The following ZFYVE16 variants were observed in gnomAD, a reference collection of about 807,000 sequenced individuals.
ZFYVE16 encodes zinc finger FYVE domain-containing protein 16.
In ZFYVE16, 89 loss-of-function variants were observed where a neutral mutation model predicts 138.1. The ratio of observed to expected loss-of-function variants is 0.64; its 90% CI spans 0.54 to 0.77. ZFYVE16 has a LOEUF of 0.77. ZFYVE16 is among the 30% of genes least tolerant of loss of function. The pLI is 0.00. For synonymous variants in ZFYVE16, 596 were observed against 618.3 expected, an observed-to-expected ratio of 0.96 and a Z score of 0.53; for missense variants, 1,793 against 1,786.7, an observed-to-expected ratio of 1.00 and a Z score of -0.06.
chr5:80,442,063 A>G (rs1222143596), intron 5 of ZFYVE16: 3 of 457,268 alleles, frequency 6.6e-6, no homozygotes, highest in South Asian at 9.2e-5. Flanking sequence ...AAAAATTTAA[A>G]AAGTGTAAGA....
intron 1 of ZFYVE16, among the ~76,000 whole-genome samples, chr5:80,417,651 CT>C (rs916124673): frequency 2.0e-5 from 3 of 152,122 alleles, no homozygotes; most frequent in African/African-American, 7.2e-5. Flanking sequence ...GGCTTGATAG[CT>C]TCTTTCTTTA....
intron 1 of ZFYVE16, among the ~76,000 whole-genome samples, chr5:80,421,574 T>G (rs1393674689): frequency 6.6e-6 from 1 of 152,236 alleles, no homozygotes; most frequent in African/African-American, 2.4e-5. Flanking sequence ...TTTCTTGTTT[T>G]TATCAGGTTT....
chr5:80,423,262 C>T (rs1747507350), intron 1 of ZFYVE16, among the ~76,000 whole-genome samples: 1 of 152,032 alleles, frequency 6.6e-6, no homozygotes, highest in South Asian at 2.1e-4. Context: ...CCGTTTATAT[C>T]ATTTGAGGAA....
Position 80,438,594 on chromosome 5 carries a change from T to C in ZFYVE16, c.1909T>C (p.Ser637Pro), listed in dbSNP as rs1750276491. 6.2e-7 allele frequency: 1 copy of C among 1,614,118 alleles called. No homozygotes were observed. ...KSEITNQLSV[S>P]DINSQSVGGA... ...TGAGATTACAAATCAATTATCGGTC[T>C]CTGATATTAACAGTCAATCTGTTGG... is the stretch of plus-strand genomic sequence containing the variant. Residue 637 changes from serine (S) to proline (P), a missense_variant, in exon 4 of 19, where the codon TCT (serine) becomes CCT (proline). Transcript: ENST00000505560.
At chr5:80,458,918 A>G (rs1046862205) in intron 14 of ZFYVE16, among the ~76,000 whole-genome samples, 1 of 152,206 alleles carries the variant, frequency 6.6e-6, no homozygotes. Context: ...TATTAATAAA[A>G]ACATTAAATT....
intron 2 of ZFYVE16, among the ~76,000 whole-genome samples, chr5:80,428,873 G>A (rs960113609): frequency 1.3e-5 from 2 of 152,122 alleles, no homozygotes; most frequent in Non-Finnish European, 2.9e-5. Flanking sequence ...AAGATCAAAT[G>A]AATGAAATGA....
intron 7 of ZFYVE16, among the ~76,000 whole-genome samples, chr5:80,446,036 C>A (rs1751311393): frequency 6.6e-6 from 1 of 151,706 alleles, no homozygotes; most frequent in Non-Finnish European, 1.5e-5. Flanking sequence ...GCTGGGATTA[C>A]AGGCATCCAC....
intron 18 of ZFYVE16, 38 bp downstream of exon 18, chr5:80,474,868 GT>G: frequency 1.3e-6 from 2 of 1,566,084 alleles, no homozygotes; most frequent in Non-Finnish European, 1.7e-6. Context: ...TGAAATGAAT[GT>G]ATTGCATATT....
At chr5:80,446,512 C>G (rs1258352686) in intron 7 of ZFYVE16, among the ~76,000 whole-genome samples, 1 of 151,938 alleles carries the variant, frequency 6.6e-6, no homozygotes, top group African/African-American at 2.4e-5. Context: ...AGAAGACAAA[C>G]ATATTCTCAC....
chr5:80,472,310 A>G (rs1438355560), intron 15 of ZFYVE16, among the ~76,000 whole-genome samples: 3 of 151,348 alleles, frequency 2.0e-5, no homozygotes, highest in Non-Finnish European at 4.4e-5. Context: ...AGCTCAGGGC[A>G]GAGAGTAAGG....
In ZFYVE16 at chr5:80,438,672, A is replaced by G. The variant is rs138928288; in HGVS notation, c.1987A>G (p.Lys663Glu). 1.4e-4 allele frequency: 225 copies of G among 1,614,172 alleles called. 1 individual carries two copies. Among genetic ancestry groups the G allele is most frequent in the South Asian group, 7.1e-4 (65 of 91,082 alleles). The change falls in exon 4 of 19, where the codon AAG becomes GAG. Residue 663 changes from lysine (K) to glutamate (E), a missense_variant. Coordinates refer to ENST00000505560, the MANE Select transcript of ZFYVE16 (RefSeq NM_001284236.3). ...FSLPSRTRSS[K>E]DLNKPDVPDT... ...CCTTCCATCAAGAACAAGGAGTTCA[A>G]AGGACCTGAATAAGCCAGATGTTCC...
At chr5:80,472,495 G>A (rs2112549164) in intron 15 of ZFYVE16, among the ~76,000 whole-genome samples, 1 of 151,900 alleles carries the variant, frequency 6.6e-6, no homozygotes, top group Admixed American at 6.6e-5. Context: ...CTAGTCTTAG[G>A]GTGGTTGTCA....
chr5:80,430,763 A>G (rs1191080168), intron 2 of ZFYVE16, among the ~76,000 whole-genome samples: 1 of 152,240 alleles, frequency 6.6e-6, no homozygotes, highest in East Asian at 1.9e-4. Context: ...GGATAACACC[A>G]CCGATCCCAC....
intron 15 of ZFYVE16, among the ~76,000 whole-genome samples, chr5:80,472,201 A>G (rs1379934120): frequency 6.6e-6 from 1 of 151,946 alleles, no homozygotes; most frequent in African/African-American, 2.4e-5. Flanking sequence ...CTGACTGCAG[A>G]TTCTAGGCTT....
rs957947476 is a variant in ZFYVE16, at chr5:80,440,831, C to T, written c.2419+799C>T. 4.1e-6 allele frequency: 4 copies of T among 985,102 alleles called. No individual in the cohort carries two copies. The African/African-American group carries it at 5.2e-5, about 13-fold the overall frequency. 61.0% of individuals were successfully genotyped at this position (985,102 alleles called of 1,614,324 possible). ...TTTTGACCAGACCTGTGCACTAGCT[C>T]AGGCACTGCTTCCTGTTAGCCAGGG... On this transcript the variant is annotated intron_variant, in intron 5 of 18. Coordinates refer to ENST00000505560, the MANE Select transcript of ZFYVE16 (RefSeq NM_001284236.3).
chr5:80,462,106 C>G (rs993567187), intron 15 of ZFYVE16, among the ~76,000 whole-genome samples: 3 of 152,174 alleles, frequency 2.0e-5, no homozygotes, highest in African/African-American at 7.2e-5. Flanking sequence ...CTTCAACATA[C>G]GAATTCTGGG....
intron 5 of ZFYVE16, chr5:80,442,110 T>G (rs1750773649): frequency 4.4e-6 from 1 of 226,768 alleles, no homozygotes; most frequent in Admixed American, 6.5e-5. Context: ...CAAAAGGAAA[T>G]TTTTTCTTTT....
chr5:80,430,819 A>T (rs1405350035), intron 2 of ZFYVE16, among the ~76,000 whole-genome samples: 6 of 152,218 alleles, frequency 3.9e-5, no homozygotes. Flanking sequence ...ACCTCTACAC[A>T]AATAAACTAG....
At chr5:80,454,655 C>A (rs572041934) in intron 11 of ZFYVE16, 1 of 152,058 alleles carries the variant, frequency 6.6e-6, no homozygotes, top group Non-Finnish European at 1.5e-5. Context: ...TACAGGTGCC[C>A]GCCACCACGC....
Sources: allele counts gnomAD v4.1 joint callset (sites outside exome capture counted in the v4.1 genomes callset), GRCh38; gene constraint gnomAD v4.1.1; transcripts MANE v1.5; gene names NCBI Gene and HGNC (gene_info 2026-07-23, HGNC 2026-07-21).